The following TMPRSS11D variants were observed in gnomAD, a reference collection of about 807,000 sequenced individuals.
TMPRSS11D encodes transmembrane serine protease 11D.
TMPRSS11D carries 32 observed loss-of-function variants against 44.4 expected under a neutral mutation model. The observed-to-expected ratio is 0.72, with a 90% CI of 0.54 to 0.97. TMPRSS11D has a LOEUF of 0.97. Among genes scored for constraint, TMPRSS11D ranks in the 50% least tolerant of loss-of-function variants. TMPRSS11D has a pLI of 0.00. For synonymous variants in TMPRSS11D, 179 were observed against 177.9 expected (o/e 1.01, Z -0.05); for missense variants, 446 against 502.6 (o/e 0.89, Z 1.08).
chr4:67,857,310 TATATATATATATACACACACACAC>T, intron 2 of TMPRSS11D, among the ~76,000 whole-genome samples: 1 of 2,674 alleles, frequency 3.7e-4, no homozygotes, highest in Non-Finnish European at 1.4e-3. Context: ...TATATATATA[TATATATATATATACACACACACAC>T]ACACACACAC....
At chr4:67,851,003 G>A (rs566904252) in intron 3 of TMPRSS11D, among the ~76,000 whole-genome samples, 1 of 152,286 alleles carries the variant, frequency 6.6e-6, no homozygotes, top group South Asian at 2.1e-4. Context: ...GCCTGGAAGT[G>A]GAGGAAATCA....
Position 67,837,705 on chromosome 4 carries a change from G to A in TMPRSS11D, c.475+467C>T, listed in dbSNP as rs370614213. 2.7e-4 allele frequency among the ~76,000 whole-genome samples: 41 copies of A among 152,204 alleles called. No individual in the cohort carries two copies. The East Asian group carries it at 6.4e-3, about 24-fold the overall frequency. ...GTAGTAGGATGAAGAAGGTTGACTG[G>A]TTCTTTCTTTTAGGATGATTACAGT... is the stretch of plus-strand genomic sequence containing the variant. On this transcript the variant is annotated intron_variant, in intron 5 of 9. Coordinates refer to ENST00000283916, the MANE Select transcript of TMPRSS11D (RefSeq NM_004262.3).
chr4:67,834,712 T>C (rs1171951363), intron 6 of TMPRSS11D, among the ~76,000 whole-genome samples: 1 of 152,160 alleles, frequency 6.6e-6, no homozygotes, highest in African/African-American at 2.4e-5. Context: ...GCTACTCTGG[T>C]GGTTAGGAGA....
intron 1 of TMPRSS11D, among the ~76,000 whole-genome samples, chr4:67,877,358 A>T (rs1033986649): frequency 6.6e-6 from 1 of 152,142 alleles, no homozygotes; most frequent in Non-Finnish European, 1.5e-5. Context: ...AAATTCCTGT[A>T]CTGAATCCAG....
intron 4 of TMPRSS11D, among the ~76,000 whole-genome samples, chr4:67,838,730 T>C (rs1434309776): frequency 6.6e-6 from 1 of 152,084 alleles, no homozygotes; most frequent in Non-Finnish European, 1.5e-5. Flanking sequence ...ACTATAAATT[T>C]TAGCTATTCT....
intron 1 of TMPRSS11D, among the ~76,000 whole-genome samples, chr4:67,879,375 G>A (rs1719267647): frequency 6.6e-6 from 1 of 150,740 alleles, no homozygotes; most frequent in Non-Finnish European, 1.5e-5. Flanking sequence ...CAGCTACTCG[G>A]CAGGCTGAAG....
chr4:67,838,584 G>GAATGAATACA (rs1718159530), intron 4 of TMPRSS11D, among the ~76,000 whole-genome samples: 2 of 151,984 alleles, frequency 1.3e-5, no homozygotes, highest in African/African-American at 4.8e-5. Context: ...GTTTTACTGT[G>GAATGAATACA]TAACTTTGGA....
intron 1 of TMPRSS11D, among the ~76,000 whole-genome samples, chr4:67,864,364 T>C (rs960859620): frequency 5.3e-5 from 8 of 151,940 alleles, no homozygotes; most frequent in Non-Finnish European, 1.0e-4. Flanking sequence ...ATTTCTTAAC[T>C]CTCTAGACTG....
At chr4:67,823,876 G>A (rs1717714989) in intron 9 of TMPRSS11D, among the ~76,000 whole-genome samples, 1 of 151,850 alleles carries the variant, frequency 6.6e-6, no homozygotes, top group African/African-American at 2.4e-5. Flanking sequence ...ACCAAATGTG[G>A]GCAAGCAAAT....
intron 1 of TMPRSS11D, among the ~76,000 whole-genome samples, chr4:67,860,716 C>T (rs1205797554): frequency 5.3e-5 from 8 of 152,056 alleles, no homozygotes; most frequent in Non-Finnish European, 7.4e-5. Context: ...GATTTAAAAG[C>T]CTCAATAGAG....
At chr4:67,874,188 A>AT (rs1192422171) in intron 1 of TMPRSS11D, among the ~76,000 whole-genome samples, 1 of 152,156 alleles carries the variant, frequency 6.6e-6, no homozygotes. Context: ...GTAATAGGTT[A>AT]TATCATCTAG....
chr4:67,877,375 C>T (rs1719217323), intron 1 of TMPRSS11D, among the ~76,000 whole-genome samples: 1 of 152,140 alleles, frequency 6.6e-6, no homozygotes, highest in Non-Finnish European at 1.5e-5. Context: ...CCAGTACCCA[C>T]CCAGACTATT....
intron 1 of TMPRSS11D, among the ~76,000 whole-genome samples, chr4:67,865,405 G>T (rs1220158986): frequency 2.0e-5 from 3 of 151,274 alleles, no homozygotes; most frequent in African/African-American, 7.3e-5. Context: ...AAATCCCAAT[G>T]ATGTACCTTA....
intron 7 of TMPRSS11D, among the ~76,000 whole-genome samples, chr4:67,827,983 T>A (rs1283305152): frequency 6.6e-6 from 1 of 152,008 alleles, no homozygotes; most frequent in Non-Finnish European, 1.5e-5. Flanking sequence ...TCTTATCTTG[T>A]TAATGGATGA....
At chr4:67,842,871 T>A (rs1007277366) in intron 3 of TMPRSS11D, among the ~76,000 whole-genome samples, 4 of 152,180 alleles carry the variant, frequency 2.6e-5, no homozygotes, top group African/African-American at 9.7e-5. Flanking sequence ...TTGCTAGAAG[T>A]CATTCTAAAC....
At chr4:67,842,656 T>A (rs773035343) in intron 3 of TMPRSS11D, 31 bp from the exon 4 acceptor site, 4 of 1,571,356 alleles carry the variant, frequency 2.5e-6, no homozygotes, top group Non-Finnish European at 3.5e-6. Context: ...GGAATCTCTC[T>A]GTAAATACAG....
chr4:67,828,885 T>C (rs1717871056), intron 7 of TMPRSS11D, among the ~76,000 whole-genome samples: 1 of 152,072 alleles, frequency 6.6e-6, no homozygotes, highest in Non-Finnish European at 1.5e-5. Flanking sequence ...GTTGACCTTC[T>C]AAAGGGTCAG....
At chr4:67,839,326 T>C (rs972308564) in intron 4 of TMPRSS11D, among the ~76,000 whole-genome samples, 3 of 152,108 alleles carry the variant, frequency 2.0e-5, no homozygotes, top group African/African-American at 7.2e-5. Flanking sequence ...ACAACTTCCA[T>C]GTCTAGCAAT....
chr4:67,862,207 G>A (rs1270353893), intron 1 of TMPRSS11D, among the ~76,000 whole-genome samples: 1 of 152,010 alleles, frequency 6.6e-6, no homozygotes, highest in Non-Finnish European at 1.5e-5. Context: ...GCCAGGCATT[G>A]TACAAGTACG....
Sources: gnomAD v4.1 joint callset for allele counts (sites outside exome capture counted in the v4.1 genomes callset) on GRCh38, gnomAD v4.1.1 for gene constraint, MANE v1.5 for transcripts, NCBI Gene and HGNC (gene_info 2026-07-23, HGNC 2026-07-21) for gene names.